Variants in SLC9D1 observed in about 807,000 individuals in gnomAD.
The protein encoded by SLC9D1 is solute carrier family 9 member D1, also known as putative LAG1-interacting protein.
chr13:113,520,203 C>T, the SLC9D1 span, among the ~76,000 whole-genome samples: 3,853 of 152,166 alleles, frequency 0.025, 99 homozygotes, highest in East Asian at 0.12. Flanking sequence ...TGTAAAGTGC[C>T]GGCCGGGAGT....
the SLC9D1 span, among the ~76,000 whole-genome samples, chr13:113,531,738 C>T: frequency 1.3e-5 from 2 of 152,232 alleles, no homozygotes; most frequent in South Asian, 4.1e-4. Flanking sequence ...GGTGGCACGG[C>T]GGCAAGCCGG....
chr13:113,517,979 T>G, the SLC9D1 span, among the ~76,000 whole-genome samples: 1 of 152,196 alleles, frequency 6.6e-6, no homozygotes, highest in African/African-American at 2.4e-5. Context: ...GGTTTAAAAT[T>G]TAGCAAATTC....
At chr13:113,495,988 G>A in the SLC9D1 span, 80 of 1,612,912 alleles carry the variant, frequency 5.0e-5, no homozygotes, top group Non-Finnish European at 6.1e-5. Flanking sequence ...GAGAGCAGCC[G>A]GCAGCGCCTG....
the SLC9D1 span, among the ~76,000 whole-genome samples, chr13:113,497,573 G>GCTGTGTGAGACCTGCAA: frequency 6.7e-6 from 1 of 149,238 alleles, no homozygotes; most frequent in African/African-American, 2.5e-5. Flanking sequence ...GAGACCTGCA[G>GCTGTGTGAGACCTGCAA]CTGTGTGAGA....
chr13:113,548,434 G>A, the SLC9D1 span: 42 of 1,610,594 alleles, frequency 2.6e-5, no homozygotes, highest in Middle Eastern at 1.1e-3. Context: ...CGCGAAGAGC[G>A]GGCGTCATCT....
At chr13:113,496,047 AGAGAGAGAGGGAGAGG>A in the SLC9D1 span, 103 of 1,542,492 alleles carry the variant, frequency 6.7e-5, no homozygotes, top group Non-Finnish European at 8.7e-5. Context: ...AGAGGGAGAG[AGAGAGAGAGGGAGAGG>A]GAGAGAGAGG....
chr13:113,511,755 A>G, the SLC9D1 span: 28,179 of 152,238 alleles, frequency 0.19, 3,430 homozygotes, highest in African/African-American at 0.35. Context: ...AACAGCTCCT[A>G]GTTTAGTGGC....
At chr13:113,544,392 C>T in the SLC9D1 span, among the ~76,000 whole-genome samples, 1 of 152,188 alleles carries the variant, frequency 6.6e-6, no homozygotes. Flanking sequence ...TCGTGGACGG[C>T]ACGTGGCAGT....
At chr13:113,496,204 G>C in the SLC9D1 span, among the ~76,000 whole-genome samples, 1 of 152,208 alleles carries the variant, frequency 6.6e-6, no homozygotes, top group South Asian at 2.1e-4. Flanking sequence ...ACAGGAAATC[G>C]CATCTAGAAA....
chr13:113,501,961 T>A, the SLC9D1 span: 4 of 1,159,576 alleles, frequency 3.4e-6, no homozygotes, highest in Non-Finnish European at 5.1e-6. Context: ...AAGTATTGAA[T>A]GTGATTAATG....
the SLC9D1 span, among the ~76,000 whole-genome samples, chr13:113,548,121 G>C: frequency 2.0e-5 from 3 of 152,204 alleles, no homozygotes; most frequent in South Asian, 6.2e-4. Context: ...GATTATTTAA[G>C]AGGTTTTGCG....
the SLC9D1 span, among the ~76,000 whole-genome samples, chr13:113,544,853 C>G: frequency 6.6e-6 from 1 of 152,242 alleles, no homozygotes; most frequent in Non-Finnish European, 1.5e-5. Context: ...TAGGAGTTCG[C>G]AGGACACAGC....
At chr13:113,550,116 G>A in the SLC9D1 span, 5 of 157,768 alleles carry the variant, frequency 3.2e-5, no homozygotes, top group Admixed American at 3.1e-4. Flanking sequence ...ATTTCTATTA[G>A]ATATATCACT....
chr13:113,548,910 T>C, the SLC9D1 span, among the ~76,000 whole-genome samples: 3 of 152,076 alleles, frequency 2.0e-5, no homozygotes, highest in African/African-American at 7.2e-5. Context: ...AGTCCAGGTG[T>C]TGAGTGCAGT....
the SLC9D1 span, among the ~76,000 whole-genome samples, chr13:113,493,338 G>A: frequency 6.6e-6 from 1 of 152,192 alleles, no homozygotes; most frequent in African/African-American, 2.4e-5. Context: ...ATCTTTTGGG[G>A]AAACTGGGAA....
At chr13:113,530,418 G>A in the SLC9D1 span, 2 of 149,130 alleles carry the variant, frequency 1.3e-5, no homozygotes, top group East Asian at 1.9e-4. Flanking sequence ...ATTAGACATA[G>A]AAGAACATGA....
the SLC9D1 span, among the ~76,000 whole-genome samples, chr13:113,547,940 G>A: frequency 2.9e-5 from 4 of 137,650 alleles, no homozygotes; most frequent in African/African-American, 1.2e-4. Context: ...TTAGCTGCTC[G>A]GCCCAGAGAC....
At chr13:113,538,163 T>C in the SLC9D1 span, among the ~76,000 whole-genome samples, 88 of 148,404 alleles carry the variant, frequency 5.9e-4, no homozygotes, top group Admixed American at 8.6e-4. Context: ...CATGCATGAA[T>C]GTGTACTTTA....
At chr13:113,508,467 C>T in the SLC9D1 span, among the ~76,000 whole-genome samples, 2 of 152,210 alleles carry the variant, frequency 1.3e-5, no homozygotes, top group South Asian at 2.1e-4. Flanking sequence ...GTGTGAGACG[C>T]GCTCTGTGAT....
Sources: allele counts gnomAD v4.1 joint callset (sites outside exome capture counted in the v4.1 genomes callset), GRCh38; gene constraint gnomAD v4.1.1; transcripts MANE v1.5; gene names NCBI Gene and HGNC (gene_info 2026-07-23, HGNC 2026-07-21).